The following PPP2R5C variants were observed in gnomAD, a reference collection of about 807,000 sequenced individuals.
The protein encoded by PPP2R5C is protein phosphatase 2 regulatory subunit B'gamma, also known as serine/threonine-protein phosphatase 2A 56 kDa regulatory subunit gamma isoform.
PPP2R5C carries 7 observed loss-of-function variants against 68.9 expected under a neutral mutation model. The observed-to-expected ratio is 0.10, with a 90% CI of 0.06 to 0.19. The LOEUF (loss-of-function observed/expected upper bound fraction) is 0.19, where lower values mean the gene tolerates loss of function less well. Ranked by LOEUF, PPP2R5C falls within the 10% of genes least tolerant of loss-of-function variation. PPP2R5C has a pLI of 1.00. For synonymous variants in PPP2R5C, 210 were observed against 222.2 expected, an observed-to-expected ratio of 0.95 and a Z score of 0.49; for missense variants, 348 against 641.3, an observed-to-expected ratio of 0.54 and a Z score of 4.94.
intron 2 of PPP2R5C, among the ~76,000 whole-genome samples, chr14:101,867,756 C>T (rs987753870): frequency 9.9e-5 from 15 of 151,630 alleles, no homozygotes; most frequent in African/African-American, 3.1e-4. Flanking sequence ...CCAGCCTGAG[C>T]GACAGAGCAA....
upstream of PPP2R5C, chr14:101,761,768 A>G (rs2036549519): frequency 3.2e-6 from 3 of 946,210 alleles, no homozygotes; most frequent in Non-Finnish European, 3.7e-6. Context: ...AGCAAGCGAA[A>G]GACTCAGTCC....
At chr14:101,864,280 C>G (rs1467342254) in intron 2 of PPP2R5C, among the ~76,000 whole-genome samples, 2 of 152,134 alleles carry the variant, frequency 1.3e-5, no homozygotes, top group African/African-American at 4.8e-5. Context: ...TCGGATGACT[C>G]AGAAGTACTT....
intron 13 of PPP2R5C, among the ~76,000 whole-genome samples, chr14:101,919,994 C>CAAAAAAAAAAAAAAAAAAA (rs2046928361): frequency 1.8e-5 from 2 of 111,286 alleles, no homozygotes; most frequent in African/African-American, 9.9e-5. Context: ...AAAAAAAAAC[C>CAAAAAAAAAAAAAAAAAAA]AATTCTTACA....
rs114839681 is a variant in PPP2R5C, at chr14:101,767,264, A to G, written c.93+4294A>G. ...ACCTAGGGAGACTGACAGTCGCCTCAGGTCGCATAGGTGCTAGGCGGAAGG... is the reference window on the plus strand; with the variant it reads ...ACCTAGGGAGACTGACAGTCGCCTCGGGTCGCATAGGTGCTAGGCGGAAGG... On this transcript the variant is annotated intron_variant, in intron 2 of 14. Coordinates refer to the PPP2R5C transcript ENST00000328724. 2.1e-3 allele frequency among the ~76,000 whole-genome samples: 320 copies of G among 152,352 alleles called. 2 individuals carry two copies. Among genetic ancestry groups the G allele is most frequent in the African/African-American group, 7.5e-3 (310 of 41,564 alleles).
Position 101,916,137 on chromosome 14 carries a change from G to A in PPP2R5C, c.1327-1694G>A, listed in dbSNP as rs1005226327. Among the ~76,000 whole-genome samples the A allele has an allele frequency of 5.3e-5, 8 of 152,360 alleles. No individual in the cohort carries two copies. The highest frequency in any genetic ancestry group is 7.3e-5 in the Non-Finnish European group (5 of 68,028). On this transcript the variant is annotated intron_variant, in intron 12 of 13. Coordinates refer to ENST00000334743, the Ensembl canonical transcript of PPP2R5C. The surrounding 1 kb of genome is among the most constrained non-coding windows in gnomAD (Gnocchi z 5.5). The stretch of plus-strand genomic sequence containing the variant: ...CATAAAGGGCAAAATGGCCCAGCCC[G>A]ACTTGCATTTTTGCAAGCTCTTTGG...
At chr14:101,846,956 A>G (rs566307746) in intron 1 of PPP2R5C, among the ~76,000 whole-genome samples, 64 of 152,248 alleles carry the variant, frequency 4.2e-4, no homozygotes, top group Non-Finnish European at 9.0e-4. Flanking sequence ...ATTCCACAGA[A>G]GAGAAATGCC....
At chr14:101,786,020 A>G (rs2038074936) in exon 3 of PPP2R5C, 4 of 1,521,772 alleles carry the variant, frequency 2.6e-6, no homozygotes, top group Non-Finnish European at 3.5e-6. Flanking sequence ...TTTGGAAGCA[A>G]ATTTCCGTCA....
chr14:101,907,626 C>G (rs988594252), intron 10 of PPP2R5C, among the ~76,000 whole-genome samples: 4 of 152,144 alleles, frequency 2.6e-5, no homozygotes, highest in Non-Finnish European at 5.9e-5. Flanking sequence ...GCCCTCCTCC[C>G]TTAGTTTATG....
exon 14 of PPP2R5C, chr14:101,926,000 A>G (rs749651936): frequency 6.6e-6 from 1 of 152,532 alleles, no homozygotes; most frequent in Non-Finnish European, 1.5e-5. Flanking sequence ...TTATCTTAAA[A>G]GAGCTTGCTC....
At chr14:101,776,815 C>T (rs543977342) in intron 2 of PPP2R5C, among the ~76,000 whole-genome samples, 1 of 152,076 alleles carries the variant, frequency 6.6e-6, no homozygotes, top group East Asian at 1.9e-4. Context: ...CTGTGTCTGG[C>T]TTCCTTTACT....
chr14:101,925,526 T>A (rs1294804343), exon 14 of PPP2R5C: 3 of 390,032 alleles, frequency 7.7e-6, no homozygotes, highest in South Asian at 9.4e-5. Context: ...GTAGTCCAAG[T>A]CAGACTATTT....
chr14:101,784,515 G>T (rs1203218582), intron 2 of PPP2R5C, among the ~76,000 whole-genome samples: 4 of 150,136 alleles, frequency 2.7e-5, no homozygotes, highest in Admixed American at 6.6e-5. Context: ...GAAAGTGGGG[G>T]GGGGGAACTG....
In PPP2R5C at chr14:101,761,932, C is replaced by T; in HGVS notation, c.27+12C>T. ...ACAAGAAGGAGAAAGTGAGTCCGGGCCCGGCCGCGGGACGGAGGGAGCAGG... is the reference window on the plus strand; with the variant it reads ...ACAAGAAGGAGAAAGTGAGTCCGGGTCCGGCCGCGGGACGGAGGGAGCAGG... On this transcript the variant is annotated intron_variant, in intron 1 of 14. Transcript: ENST00000328724. 1 of 1,191,656 alleles carries T rather than the reference C, an allele frequency of 8.4e-7. No individual in the cohort carries two copies. The highest frequency in any genetic ancestry group is 4.1e-5 in the South Asian group (1 of 24,282). 73.8% of individuals were successfully genotyped at this position (1,191,656 alleles called of 1,614,324 possible).
At chr14:101,831,678 G>A in intron 1 of PPP2R5C, 1 of 687,744 alleles carries the variant, frequency 1.5e-6, no homozygotes, top group East Asian at 2.7e-5. Flanking sequence ...ACTTATATGT[G>A]GATTTTTTTC....
chr14:101,838,213 G>A (rs1055868052), intron 1 of PPP2R5C, among the ~76,000 whole-genome samples: 1 of 152,236 alleles, frequency 6.6e-6, no homozygotes. Context: ...GGCAGACAGC[G>A]ATGAAGCGGG....
chr14:101,851,795 TA>T (rs1188546581), intron 1 of PPP2R5C, among the ~76,000 whole-genome samples: 5 of 152,220 alleles, frequency 3.3e-5, no homozygotes. Flanking sequence ...ACTTTTCATG[TA>T]AATGTGGGCT....
At chr14:101,880,248 T>A (rs2044071482) in intron 2 of PPP2R5C, among the ~76,000 whole-genome samples, 1 of 152,244 alleles carries the variant, frequency 6.6e-6, no homozygotes, top group Non-Finnish European at 1.5e-5. Flanking sequence ...CTTAGGAACA[T>A]TACTCATACT....
At position 101,883,415 on chromosome 14, in the gene PPP2R5C, T is replaced by C. The variant is rs778617713; in HGVS notation, c.499-17T>C. The C allele has an allele frequency of 4.3e-6, 7 of 1,612,446 alleles. No individual in the cohort carries two copies. In the East Asian group the frequency reaches 1.6e-4, roughly 36 times the overall value. ...AATGATGACACCCAGCCACTAAGTG[T>C]CTTTTTCTTCTCAAAGCTTTTAGAG... On this transcript the variant is annotated splice_polypyrimidine_tract_variant and intron_variant, in intron 4 of 13. Coordinates refer to ENST00000334743, the Ensembl canonical transcript of PPP2R5C.
chr14:101,815,126 C>T (rs66607339), intron 1 of PPP2R5C, among the ~76,000 whole-genome samples: 22,290 of 152,062 alleles, frequency 0.15, 1,829 homozygotes, highest in African/African-American at 0.19. Flanking sequence ...GGCATTATAA[C>T]CCTCCCCCAC....
Sources: gnomAD v4.1 joint callset for allele counts (sites outside exome capture counted in the v4.1 genomes callset) on GRCh38, gnomAD v4.1.1 for gene constraint, Gnocchi (gnomAD v3.1) non-coding constraint, MANE v1.5 for transcripts, NCBI Gene and HGNC (gene_info 2026-07-23, HGNC 2026-07-21) for gene names.